The following MYCBP2 variants were observed in gnomAD, a reference collection of about 807,000 sequenced individuals.
MYCBP2 encodes E3 ubiquitin-protein ligase MYCBP2.
Under a neutral mutation model 525.3 loss-of-function variants are expected in MYCBP2, and 120 were observed. The observed-to-expected ratio is 0.23, with a 90% confidence interval of 0.20 to 0.27. The LOEUF is 0.27. Among genes scored for constraint, MYCBP2 ranks in the 10% least tolerant of loss-of-function variants. MYCBP2 has a pLI of 1.00. For missense variants in MYCBP2, 4,149 were observed against 5,657.1 expected (o/e 0.73, Z 8.55); for synonymous variants, 1,894 against 1,955.8 (o/e 0.97, Z 0.83).
chr13:77,276,187 T>C (rs1183876480), intron 4 of MYCBP2, among the ~76,000 whole-genome samples: 1 of 152,140 alleles, frequency 6.6e-6, no homozygotes, highest in Non-Finnish European at 1.5e-5. Context: ...ACAGAATATA[T>C]GGATATAAGG....
intron 14 of MYCBP2, among the ~76,000 whole-genome samples, chr13:77,253,615 G>C (rs1368887345): frequency 1.4e-5 from 2 of 148,118 alleles, no homozygotes; most frequent in African/African-American, 5.3e-5. Context: ...GGCTTTCTGG[G>C]CTGCTGGTAA....
chr13:77,051,855 T>C lies in MYCBP2; in HGVS notation c.13711A>G (p.Arg4571Gly), dbSNP rs766298474. 28 of 1,614,056 alleles carry C rather than the reference T, an allele frequency of 1.7e-5. No homozygotes were observed. The highest frequency in any genetic ancestry group is 2.4e-5 in the Non-Finnish European group (28 of 1,180,044). Residue 4571 changes from arginine to glycine, a missense_variant, in exon 81 of 83, where the codon AGA becomes GGA. Transcript: ENST00000544440. The stretch of plus-strand genomic sequence containing the variant: ...GAACAGGCACCACAAATGAGCTCTC[T>C]GGGATCATAATCATCTCCCCGTCCA... Reference protein sequence around the residue: ...EAGRGDDYDPRELICGACSDV... With the variant: ...EAGRGDDYDPGELICGACSDV...
Position 77,077,321 on chromosome 13 carries a change from T to G in MYCBP2, c.11551A>C (p.Ile3851Leu). The change falls in exon 67 of 83, where the codon ATA (isoleucine) becomes CTA (leucine). Residue 3851 changes from isoleucine (I) to leucine (L), a missense_variant. Coordinates refer to ENST00000544440, the MANE Select transcript of MYCBP2 (RefSeq NM_015057.5). ...TCTGGGCCTTTTAATTCAATTTTTA[T>G]GATGTGATTATCCCCTCCTGGAAGT... ...SELPGGDNHI[I>L]KIELKGPENT... 6.2e-7 allele frequency: 1 copy of G among 1,614,020 alleles called. No individual in the cohort carries two copies. Among genetic ancestry groups the G allele is most frequent in the Non-Finnish European group, 8.5e-7 (1 of 1,179,936 alleles).
chr13:77,157,385 G>C (rs941338385), intron 45 of MYCBP2, among the ~76,000 whole-genome samples: 3 of 152,106 alleles, frequency 2.0e-5, no homozygotes, highest in Non-Finnish European at 4.4e-5. Context: ...CACCATGCCT[G>C]GCTAATTTTT....
At chr13:77,286,753 C>T (rs1269967973) in intron 3 of MYCBP2, among the ~76,000 whole-genome samples, 1 of 13,086 alleles carries the variant, frequency 7.6e-5, no homozygotes, top group African/African-American at 4.9e-4. Context: ...TAGACTCCGT[C>T]TCAAAAAAAA....
chr13:77,262,372 C>T (rs569673062), intron 10 of MYCBP2, among the ~76,000 whole-genome samples: 38 of 151,866 alleles, frequency 2.5e-4, no homozygotes, highest in South Asian at 8.3e-4. Context: ...TTTAAATATA[C>T]GACAAAAAAA....
In MYCBP2 at chr13:77,156,252, T is replaced by C. The variant is rs573368254; in HGVS notation, c.6771-50A>G. 6 of 1,509,756 alleles carry C rather than the reference T, an allele frequency of 4.0e-6. No homozygotes were observed. In the East Asian group the frequency reaches 9.2e-5, roughly 23 times the overall value. 93.5% of individuals were successfully genotyped at this position (1,509,756 alleles called of 1,614,324 possible). ...ACAAAACCCCAAACACTGATCAGCA[T>C]CTTCAACAATTAATATAAAATTAAG... On this transcript the variant is annotated intron_variant, in intron 45 of 82. Coordinates refer to ENST00000544440, the MANE Select transcript of MYCBP2 (RefSeq NM_015057.5).
intron 19 of MYCBP2, 108 bp downstream of exon 19, chr13:77,225,327 T>A (rs1306828481): frequency 2.1e-6 from 3 of 1,449,496 alleles, no homozygotes; most frequent in African/African-American, 1.4e-5. Flanking sequence ...ACTGCCACGC[T>A]ACAGCTTTTA....
chr13:77,169,366 C>T (rs557497635), intron 39 of MYCBP2, among the ~76,000 whole-genome samples: 1 of 146,738 alleles, frequency 6.8e-6, no homozygotes, highest in African/African-American at 2.5e-5. Flanking sequence ...ACAGCACTCC[C>T]GCCTGGGTGA....
intron 14 of MYCBP2, among the ~76,000 whole-genome samples, chr13:77,252,883 A>G (rs1214246321): frequency 6.6e-6 from 1 of 152,140 alleles, no homozygotes; most frequent in Non-Finnish European, 1.5e-5. Context: ...CTCTATAAGC[A>G]TTACTCATTT....
intron 31 of MYCBP2, among the ~76,000 whole-genome samples, chr13:77,185,581 C>T (rs1408715215): frequency 6.6e-6 from 1 of 152,124 alleles, no homozygotes; most frequent in Non-Finnish European, 1.5e-5. Context: ...GCATTTAAGT[C>T]CAAATTGCTT....
chr13:77,105,618 G>T (rs2047733511), intron 55 of MYCBP2, among the ~76,000 whole-genome samples: 1 of 151,688 alleles, frequency 6.6e-6, no homozygotes, highest in African/African-American at 2.4e-5. Flanking sequence ...ATACACAAAA[G>T]AAAAAAAGTT....
intron 20 of MYCBP2, among the ~76,000 whole-genome samples, chr13:77,218,227 G>C (rs1235481263): frequency 1.3e-5 from 2 of 151,992 alleles, no homozygotes; most frequent in Non-Finnish European, 2.9e-5. Flanking sequence ...CTGAAAAACT[G>C]GTGCTACATT....
intron 36 of MYCBP2, among the ~76,000 whole-genome samples, chr13:77,176,031 T>TC (rs1313307236): frequency 2.0e-5 from 3 of 151,326 alleles, no homozygotes; most frequent in Middle Eastern, 3.2e-3. Flanking sequence ...TTTTTTTTTT[T>TC]TTAAATGAGT....
At chr13:77,101,431 A>T (rs2047045979) in intron 55 of MYCBP2, among the ~76,000 whole-genome samples, 1 of 152,088 alleles carries the variant, frequency 6.6e-6, no homozygotes, top group African/African-American at 2.4e-5. Flanking sequence ...ATGCATATGA[A>T]CTTACAATGG....
intron 71 of MYCBP2, among the ~76,000 whole-genome samples, chr13:77,066,608 T>A (rs1041582210): frequency 2.6e-5 from 4 of 152,188 alleles, no homozygotes; most frequent in African/African-American, 9.7e-5. Context: ...ATATATACCT[T>A]GGTGCAAATG....
chr13:77,306,096 T>C (rs1267070228), intron 1 of MYCBP2, among the ~76,000 whole-genome samples: 1 of 152,204 alleles, frequency 6.6e-6, no homozygotes, highest in South Asian at 2.1e-4. Flanking sequence ...AAGCATTTTT[T>C]ATTTGTAGAT....
chr13:77,266,746 G>GAAAAAAATAAAAAAA (rs2074148691), intron 8 of MYCBP2, among the ~76,000 whole-genome samples: 1 of 89,414 alleles, frequency 1.1e-5, no homozygotes, highest in African/African-American at 4.4e-5. Flanking sequence ...GACTTGTAAT[G>GAAAAAAATAAAAAAA]AAAAAAAAAA....
intron 49 of MYCBP2, among the ~76,000 whole-genome samples, chr13:77,143,612 C>T (rs1316702259): frequency 1.3e-5 from 2 of 152,102 alleles, no homozygotes; most frequent in Non-Finnish European, 2.9e-5. Flanking sequence ...CATAATTGTG[C>T]GAGCCAATTT....
Sources: allele counts gnomAD v4.1 joint callset (sites outside exome capture counted in the v4.1 genomes callset), GRCh38; gene constraint gnomAD v4.1.1; transcripts MANE v1.5; gene names NCBI Gene and HGNC (gene_info 2026-07-23, HGNC 2026-07-21).